Variants in SUPT3H observed in about 807,000 individuals in gnomAD.
SUPT3H encodes the protein SPT3 homolog, SAGA and STAGA complex component.
Under a neutral mutation model 44.3 loss-of-function variants are expected in SUPT3H, and 44 were observed. That is an observed-to-expected ratio of 0.99 (90% confidence interval 0.78 to 1.28). The LOEUF (loss-of-function observed/expected upper bound fraction) is 1.28, where lower values mean the gene tolerates loss of function less well. SUPT3H is among the 50% of genes most tolerant of loss of function. SUPT3H has a pLI of 0.00. For synonymous variants in SUPT3H, 124 were observed against 125.6 expected (o/e 0.99, Z 0.09); for missense variants, 380 against 387.1 (o/e 0.98, Z 0.15).
chr6:45,138,377 G>A (rs1198744424), intron 2 of SUPT3H, among the ~76,000 whole-genome samples: 4 of 151,972 alleles, frequency 2.6e-5, no homozygotes, highest in African/African-American at 7.3e-5. Context: ...AGAGAACAGA[G>A]AACATATGTC....
chr6:45,317,189 T>C (rs1355567295), intron 2 of SUPT3H, among the ~76,000 whole-genome samples: 8 of 133,764 alleles, frequency 6.0e-5, no homozygotes, highest in Non-Finnish European at 1.1e-4. Context: ...ATCACACCAC[T>C]TGCACTTCAG....
chr6:45,181,541 A>G (rs1374659016), intron 2 of SUPT3H, among the ~76,000 whole-genome samples: 4 of 151,962 alleles, frequency 2.6e-5, no homozygotes, highest in Non-Finnish European at 5.9e-5. Flanking sequence ...CAGCCATAAA[A>G]AATGATGAGT....
chr6:45,327,139 T>G (rs73735372), intron 2 of SUPT3H, among the ~76,000 whole-genome samples: 58 of 151,974 alleles, frequency 3.8e-4, no homozygotes, highest in Non-Finnish European at 7.1e-4. Flanking sequence ...AAAAAGGAGA[T>G]AGTTTCCCAA....
Position 45,105,977 on chromosome 6 carries a change from A to G in SUPT3H, c.131T>C (p.Leu44Pro), listed in dbSNP as rs764738805. 6.2e-7 allele frequency: 1 copy of G among 1,613,718 alleles called. No individual in the cohort carries two copies. Among genetic ancestry groups the G allele is most frequent in the African/African-American group, 1.3e-5 (1 of 74,924 alleles). The change falls in exon 3 of 11, where the codon CTT becomes CCT. Residue 44 changes from leucine to proline, a missense_variant. Physicochemically the swap from Leu to Pro is moderately conservative, Grantham distance 98. Coordinates refer to ENST00000371459, the MANE Select transcript of SUPT3H (RefSeq NM_003599.4). ...TTCTACCAAAACTGCTGTTTCATGA[A>G]GAGGCCTTCTAGCATCACCTAAAGA... is the stretch of plus-strand genomic sequence containing the variant. ...MYSLGDARRP[L>P]HETAVLVEDV...
intron 10 of SUPT3H, among the ~76,000 whole-genome samples, chr6:44,895,025 C>G (rs1038261357): frequency 1.3e-5 from 2 of 151,812 alleles, no homozygotes; most frequent in African/African-American, 4.8e-5. Context: ...CCAATGACAT[C>G]CAGAAATGGT....
chr6:45,107,619 G>A (rs897174347), intron 2 of SUPT3H, among the ~76,000 whole-genome samples: 1 of 152,124 alleles, frequency 6.6e-6, no homozygotes, highest in Non-Finnish European at 1.5e-5. Flanking sequence ...AATTTAAAGT[G>A]ATTTATATTG....
chr6:45,225,860 AG>A (rs1766848467), intron 2 of SUPT3H, among the ~76,000 whole-genome samples: 2 of 152,216 alleles, frequency 1.3e-5, no homozygotes, highest in South Asian at 4.1e-4. Flanking sequence ...ACATGGTTGT[AG>A]TAATTTATCA....
intron 2 of SUPT3H, among the ~76,000 whole-genome samples, chr6:45,271,756 C>G (rs1776206397): frequency 6.6e-6 from 1 of 152,146 alleles, no homozygotes; most frequent in African/African-American, 2.4e-5. Flanking sequence ...GATGCATGGA[C>G]ACCTTGCATT....
chr6:45,131,821 C>A (rs1011053174), intron 2 of SUPT3H, among the ~76,000 whole-genome samples: 1 of 152,188 alleles, frequency 6.6e-6, no homozygotes, highest in African/African-American at 2.4e-5. Context: ...TAACTACAGT[C>A]CCCAAATATT....
At chr6:45,197,652 A>G (rs1816285821) in intron 2 of SUPT3H, 1 of 352,626 alleles carries the variant, frequency 2.8e-6, no homozygotes, top group South Asian at 2.2e-5. Context: ...AATTGACAAT[A>G]CTATTTTTTC....
intron 10 of SUPT3H, among the ~76,000 whole-genome samples, chr6:44,831,841 T>G (rs1477582723): frequency 6.6e-6 from 1 of 152,188 alleles, no homozygotes; most frequent in Non-Finnish European, 1.5e-5. Context: ...AAAAGGTCAC[T>G]TTTGAAAGAT....
chr6:45,109,349 TAAAAA>T (rs367614320), intron 2 of SUPT3H, among the ~76,000 whole-genome samples: 5 of 151,150 alleles, frequency 3.3e-5, no homozygotes, highest in Non-Finnish European at 7.4e-5. Context: ...ATGTCACTGT[TAAAAA>T]AAAAGTGCAA....
intron 6 of SUPT3H, among the ~76,000 whole-genome samples, chr6:44,994,506 G>C (rs1781018030): frequency 2.0e-5 from 3 of 152,052 alleles, no homozygotes; most frequent in Admixed American, 2.0e-4. Context: ...AAGTTCCAGA[G>C]ATCCAGGGTT....
intron 2 of SUPT3H, among the ~76,000 whole-genome samples, chr6:45,268,895 T>A (rs1775683283): frequency 1.3e-5 from 2 of 152,142 alleles, no homozygotes. Context: ...TCCTACTGCT[T>A]AACCTAATAA....
At chr6:45,111,055 CAG>C (rs1799979991) in intron 2 of SUPT3H, among the ~76,000 whole-genome samples, 1 of 136,368 alleles carries the variant, frequency 7.3e-6, no homozygotes, top group Non-Finnish European at 1.5e-5. Flanking sequence ...TTTTTTGAGA[CAG>C]AGTCTCACTC....
At chr6:44,998,785 A>C (rs989170296) in intron 6 of SUPT3H, among the ~76,000 whole-genome samples, 1 of 151,142 alleles carries the variant, frequency 6.6e-6, no homozygotes, top group Non-Finnish European at 1.5e-5. Context: ...TTGTATTTTC[A>C]TTTTTCCTGT....
At chr6:44,854,440 T>C (rs932873401) in intron 10 of SUPT3H, among the ~76,000 whole-genome samples, 11 of 152,158 alleles carry the variant, frequency 7.2e-5, no homozygotes, top group African/African-American at 2.7e-4. Flanking sequence ...TATAAACTAA[T>C]ACTGAACAGT....
At chr6:45,132,314 C>T (rs138984286) in intron 2 of SUPT3H, among the ~76,000 whole-genome samples, 3 of 152,284 alleles carry the variant, frequency 2.0e-5, no homozygotes, top group East Asian at 1.9e-4. Flanking sequence ...AACCCTGGTA[C>T]ATAAAATAAG....
At chr6:44,941,264 G>A (rs746070237) in intron 9 of SUPT3H, among the ~76,000 whole-genome samples, 19 of 152,094 alleles carry the variant, frequency 1.2e-4, no homozygotes, top group African/African-American at 2.2e-4. Context: ...GTATGATGGC[G>A]AATATTAACC....
Sources: allele counts gnomAD v4.1 joint callset (sites outside exome capture counted in the v4.1 genomes callset), GRCh38; gene constraint gnomAD v4.1.1; transcripts MANE v1.5; gene names NCBI Gene and HGNC (gene_info 2026-07-23, HGNC 2026-07-21).